Variants in MERTK observed in about 807,000 individuals in gnomAD.
MERTK encodes MER proto-oncogene, tyrosine kinase, also known as tyrosine-protein kinase Mer.
In MERTK, 69 loss-of-function variants were observed where a neutral mutation model predicts 99.3. That is an observed-to-expected ratio of 0.70 (90% confidence interval 0.57 to 0.85). MERTK has a LOEUF of 0.85. MERTK is among the 40% of genes least tolerant of loss of function. The pLI is 0.00. For missense variants in MERTK, 1,125 were observed against 1,249.4 expected (o/e 0.90, Z 1.50); for synonymous variants, 426 against 467.6 (o/e 0.91, Z 1.15).
intron 15 of MERTK, among the ~76,000 whole-genome samples, chr2:112,010,435 TAC>T (rs1677075562): frequency 6.6e-6 from 1 of 152,190 alleles, no homozygotes. Context: ...AAAGAAATTT[TAC>T]AGAGCTCATT....
rs1660950518 is a variant in MERTK, at chr2:111,994,127, G to A, written c.1297-124G>A. On this transcript the variant is annotated intron_variant, in intron 8 of 18. Coordinates refer to ENST00000295408, the MANE Select transcript of MERTK (RefSeq NM_006343.3). Reference sequence around the variant, plus strand: ...ATGGCCTGAGTGACAAAGGAATGCTGTGGAAGTGTGGCTTCTGGCCTCGGA... The same window carrying A: ...ATGGCCTGAGTGACAAAGGAATGCTATGGAAGTGTGGCTTCTGGCCTCGGA... 1.2e-5 allele frequency: 13 copies of A among 1,091,182 alleles called. No individual in the cohort carries two copies. In the South Asian group the frequency reaches 1.4e-4, roughly 12 times the overall value. 67.6% of individuals were successfully genotyped at this position (1,091,182 alleles called of 1,614,324 possible).
chr2:111,933,932 C>T (rs549079692), intron 2 of MERTK, among the ~76,000 whole-genome samples: 2 of 143,852 alleles, frequency 1.4e-5, no homozygotes, highest in African/African-American at 5.1e-5. Flanking sequence ...CACGTGTTCT[C>T]ATTGGTCAAT....
chr2:111,938,130 G>A (rs759348012), intron 2 of MERTK, among the ~76,000 whole-genome samples: 1 of 152,006 alleles, frequency 6.6e-6, no homozygotes. Context: ...AGGCTGGAGC[G>A]CAGTGGTGCG....
intron 8 of MERTK, among the ~76,000 whole-genome samples, chr2:111,993,472 T>C (rs1213719729): frequency 6.6e-6 from 1 of 152,118 alleles, no homozygotes; most frequent in African/African-American, 2.4e-5. Flanking sequence ...GCAATCAAAT[T>C]TCCAAAATTC....
intron 18 of MERTK, 85 bp downstream of exon 18, chr2:112,022,479 G>A: frequency 6.3e-7 from 1 of 1,593,412 alleles, no homozygotes; most frequent in African/African-American, 1.3e-5. Flanking sequence ...ACAGCCATGG[G>A]AGGGGAAAGG....
intron 11 of MERTK, among the ~76,000 whole-genome samples, chr2:112,002,426 A>G (rs1379290331): frequency 1.3e-5 from 2 of 152,128 alleles, no homozygotes; most frequent in Admixed American, 1.3e-4. Flanking sequence ...AGGGTATAAT[A>G]TTAATAGTAA....
chr2:112,011,144 GAAC>G (rs1677094659), intron 15 of MERTK, among the ~76,000 whole-genome samples: 1 of 152,152 alleles, frequency 6.6e-6, no homozygotes. Context: ...GTGCAATTAG[GAAC>G]AACTGCTTCC....
chr2:112,008,687 G>A, intron 14 of MERTK: 1 of 628,548 alleles, frequency 1.6e-6, no homozygotes, highest in Non-Finnish European at 2.9e-6. Context: ...ACGCTGATAG[G>A]CTCAGGAATG....
intron 4 of MERTK, among the ~76,000 whole-genome samples, chr2:111,962,945 A>G (rs1198601074): frequency 1.3e-5 from 2 of 152,144 alleles, no homozygotes; most frequent in Non-Finnish European, 2.9e-5. Flanking sequence ...AGAGAAAGAA[A>G]TAAGGTGGCC....
At chr2:111,978,858 G>A (rs189137945) in intron 7 of MERTK, among the ~76,000 whole-genome samples, 21 of 152,254 alleles carry the variant, frequency 1.4e-4, no homozygotes, top group South Asian at 2.1e-4. Context: ...GTGGGAAACC[G>A]TTTAATCCTG....
At chr2:111,911,420 A>G (rs1390906782) in intron 1 of MERTK, among the ~76,000 whole-genome samples, 1 of 151,338 alleles carries the variant, frequency 6.6e-6, no homozygotes, top group Non-Finnish European at 1.5e-5. Context: ...ACAGAGTCTC[A>G]CTCTGTTGCC....
At chr2:111,955,637 T>G (rs1685134001) in intron 4 of MERTK, among the ~76,000 whole-genome samples, 1 of 152,222 alleles carries the variant, frequency 6.6e-6, no homozygotes, top group African/African-American at 2.4e-5. Context: ...AAAGTCACTT[T>G]CCTGGTTTTG....
At chr2:111,920,715 G>A (rs563391049) in intron 1 of MERTK, among the ~76,000 whole-genome samples, 31 of 152,010 alleles carry the variant, frequency 2.0e-4, no homozygotes, top group Non-Finnish European at 4.6e-4. Context: ...GTGCAGTGGC[G>A]TGATCTCAGC....
chr2:112,003,981 A>C lies in MERTK; in HGVS notation c.1864A>C (p.Lys622Gln). ...TCTGAAAGTGGCAGTGAAGACCATG[A>C]AGTGTGAGTTATCAGTGATGAATCC... ...TSLKVAVKTM[K>Q]LDNSSQREIE... Residue 622 changes from lysine (K) to glutamine (Q), a missense_variant, in exon 13 of 19, where the codon AAG (lysine) becomes CAG (glutamine). Transcript: ENST00000295408. 2 of 1,611,536 alleles carry C rather than the reference A, an allele frequency of 1.2e-6. No homozygotes were observed. The highest frequency in any genetic ancestry group is 1.7e-6 in the Non-Finnish European group (2 of 1,177,820).
intron 1 of MERTK, among the ~76,000 whole-genome samples, chr2:111,903,559 C>T (rs190387622): frequency 1.7e-4 from 26 of 152,342 alleles, no homozygotes; most frequent in Non-Finnish European, 2.8e-4. Flanking sequence ...GGTGCCTTGA[C>T]TTTGGCCCTT....
intron 1 of MERTK, among the ~76,000 whole-genome samples, chr2:111,905,768 C>G (rs1308796555): frequency 6.6e-6 from 1 of 152,110 alleles, no homozygotes; most frequent in Non-Finnish European, 1.5e-5. Flanking sequence ...CGTGCCCAGC[C>G]AGAAACCTAC....
At position 111,953,758 on chromosome 2, in the gene MERTK, A is replaced by G. The variant is rs1296639937; in HGVS notation, c.757+6191A>G. Among the ~76,000 whole-genome samples the G allele has an allele frequency of 4.6e-5, 7 of 152,218 alleles. No individual in the cohort carries two copies. In the South Asian group the frequency reaches 1.5e-3, roughly 32 times the overall value. The stretch of plus-strand genomic sequence containing the variant: ...GCCCGGCTCATTTTTGTATTTTTGT[A>G]GAGATGGGGTTTCACCATGTTGGCC... On this transcript the variant is annotated intron_variant, in intron 4 of 18. Transcript: ENST00000295408.
intron 2 of MERTK, chr2:111,940,546 A>G (rs1684843396): frequency 3.2e-6 from 2 of 617,502 alleles, no homozygotes; most frequent in African/African-American, 1.8e-5. Flanking sequence ...ATCCTGTGTC[A>G]GGTGCTCCTG....
chr2:111,902,224 C>G (rs1056819315), intron 1 of MERTK, among the ~76,000 whole-genome samples: 1 of 152,154 alleles, frequency 6.6e-6, no homozygotes, highest in South Asian at 2.1e-4. Context: ...GAAATAATTT[C>G]CAGATAATTG....
Sources: gnomAD v4.1 joint callset for allele counts (sites outside exome capture counted in the v4.1 genomes callset) on GRCh38, gnomAD v4.1.1 for gene constraint, MANE v1.5 for transcripts, NCBI Gene and HGNC (gene_info 2026-07-23, HGNC 2026-07-21) for gene names.